The following PDGFC variants were observed in gnomAD, a reference collection of about 807,000 sequenced individuals.
The protein encoded by PDGFC is platelet-derived growth factor C.
PDGFC carries 12 observed loss-of-function variants against 35.5 expected under a neutral mutation model. The ratio of observed to expected loss-of-function variants is 0.34; its 90% CI spans 0.22 to 0.55. PDGFC has a LOEUF of 0.55. PDGFC is among the 20% of genes least tolerant of loss of function. The pLI, the probability that PDGFC is intolerant of heterozygous loss-of-function variation, is 0.91. For synonymous variants in PDGFC, 159 were observed against 148.8 expected (o/e 1.07, Z -0.50); for missense variants, 322 against 412.4 (o/e 0.78, Z 1.90).
At chr4:156,809,546 TG>T (rs1412234840) in intron 3 of PDGFC, among the ~76,000 whole-genome samples, 4 of 152,032 alleles carry the variant, frequency 2.6e-5, no homozygotes, top group Admixed American at 2.6e-4. Flanking sequence ...GAGACTATTA[TG>T]TGCTCAGAAC....
chr4:156,938,121 A>G (rs1401032335), intron 1 of PDGFC, among the ~76,000 whole-genome samples: 1 of 152,106 alleles, frequency 6.6e-6, no homozygotes, highest in Non-Finnish European at 1.5e-5. Flanking sequence ...ATTTTAAGTT[A>G]GTTTGTTATA....
In PDGFC at chr4:156,766,789, G is replaced by A. The variant is rs559582345; in HGVS notation, c.921+984C>T. 5.3e-5 allele frequency among the ~76,000 whole-genome samples: 8 copies of A among 152,080 alleles called. No individual in the cohort carries two copies. In the South Asian group the frequency reaches 1.7e-3, roughly 32 times the overall value. On this transcript the variant is annotated intron_variant, in intron 5 of 5. Coordinates refer to ENST00000502773, the MANE Select transcript of PDGFC (RefSeq NM_016205.3). ...GATTTTCCTGCCCTTCACCAATATT[G>A]TGTTGGCAATTGATAAAGTGGGAAA...
chr4:156,880,019 G>A (rs1730204760), intron 1 of PDGFC, among the ~76,000 whole-genome samples: 1 of 152,168 alleles, frequency 6.6e-6, no homozygotes, highest in African/African-American at 2.4e-5. Flanking sequence ...TGGTTCATGA[G>A]GTTCAAGAAA....
In PDGFC at chr4:156,869,595, T is replaced by C. The variant is rs192277292; in HGVS notation, c.119-19179A>G. Among the ~76,000 whole-genome samples the C allele has an allele frequency of 1.7e-3, 256 of 152,326 alleles. 1 individual carries two copies. The highest frequency in any genetic ancestry group is 5.5e-3 in the African/African-American group (228 of 41,574). On this transcript the variant is annotated intron_variant, in intron 1 of 5. Transcript: ENST00000502773. ...CCAGCCCTTCAACGCAAGAGTTTTG[T>C]AATTTTTAATCAATACTTCATTTAA...
intron 1 of PDGFC, among the ~76,000 whole-genome samples, chr4:156,858,151 C>G (rs1729627350): frequency 6.6e-6 from 1 of 151,978 alleles, no homozygotes; most frequent in Non-Finnish European, 1.5e-5. Flanking sequence ...TTGAAAATAT[C>G]CCAATTTGCA....
intron 2 of PDGFC, among the ~76,000 whole-genome samples, chr4:156,847,723 T>C (rs888648487): frequency 3.6e-5 from 2 of 55,650 alleles, no homozygotes; most frequent in Admixed American, 1.6e-4. Flanking sequence ...CTCTGTACTA[T>C]CTTTACAACA....
intron 3 of PDGFC, chr4:156,773,757 T>A (rs997117054): frequency 1.3e-5 from 2 of 152,212 alleles, no homozygotes; most frequent in African/African-American, 4.8e-5. Flanking sequence ...AAATTGGAAC[T>A]CCTCTGCTCT....
rs537843743 is a variant in PDGFC, at chr4:156,798,532, A to G, written c.495+12305T>C. Among the ~76,000 whole-genome samples, 10 of 152,326 alleles carry G rather than the reference A, an allele frequency of 6.6e-5. No individual in the cohort carries two copies. The East Asian group carries it at 1.7e-3, about 26-fold the overall frequency. On this transcript the variant is annotated intron_variant, in intron 3 of 5. Coordinates refer to ENST00000502773, the MANE Select transcript of PDGFC (RefSeq NM_016205.3). ...AAAACAAAACACTGTAGGCCTGGGTAGAAGTGAGAGTTCTTCATATTACTT... is the reference window on the plus strand; with the variant it reads ...AAAACAAAACACTGTAGGCCTGGGTGGAAGTGAGAGTTCTTCATATTACTT...
At chr4:156,781,831 A>G (rs924326063) in intron 3 of PDGFC, among the ~76,000 whole-genome samples, 2 of 152,236 alleles carry the variant, frequency 1.3e-5, no homozygotes, top group African/African-American at 2.4e-5. Flanking sequence ...TAAGCAAAAT[A>G]GCATATTTTA....
At chr4:156,965,104 T>C (rs1361418761) in intron 1 of PDGFC, among the ~76,000 whole-genome samples, 2 of 152,170 alleles carry the variant, frequency 1.3e-5, no homozygotes, top group African/African-American at 4.8e-5. Flanking sequence ...GAGTAAAACG[T>C]GGTACTCTGA....
chr4:156,783,510 C>T lies in PDGFC; in HGVS notation c.496-10617G>A, dbSNP rs148301376. Among the ~76,000 whole-genome samples the T allele has an allele frequency of 3.0e-3, 460 of 152,138 alleles. 1 individual carries two copies. Among genetic ancestry groups the T allele is most frequent in the Non-Finnish European group, 5.4e-3 (369 of 68,012 alleles). ...TGTTAATAATAACTGCTTTTATTGC[C>T]TTGTCACATGGCTAATCACTACCCA... On this transcript the variant is annotated intron_variant, in intron 3 of 5. Transcript: ENST00000502773.
At position 156,782,266 on chromosome 4, in the gene PDGFC, C is replaced by T. The variant is rs549266563; in HGVS notation, c.496-9373G>A. Among the ~76,000 whole-genome samples the T allele has an allele frequency of 2.6e-5, 4 of 152,288 alleles. No individual in the cohort carries two copies. The South Asian group carries it at 8.3e-4, about 32-fold the overall frequency. ...ATGATACCCTTGGCTGCTCACTTAT[C>T]CTATGTCGGTTTTCTGAATTCATAT... is the stretch of plus-strand genomic sequence containing the variant. On this transcript the variant is annotated intron_variant, in intron 3 of 5. Coordinates refer to ENST00000502773, the MANE Select transcript of PDGFC (RefSeq NM_016205.3).
intron 2 of PDGFC, among the ~76,000 whole-genome samples, chr4:156,849,702 G>A (rs771811983): frequency 2.0e-4 from 31 of 152,066 alleles, no homozygotes; most frequent in Non-Finnish European, 2.9e-4. Flanking sequence ...AATATCTAAT[G>A]CTGCTTTCTG....
chr4:156,918,106 A>G (rs538887598), intron 1 of PDGFC, among the ~76,000 whole-genome samples: 1 of 152,300 alleles, frequency 6.6e-6, no homozygotes, highest in African/African-American at 2.4e-5. Flanking sequence ...TACTTCTACC[A>G]CATAATTTTC....
chr4:156,879,334 T>C (rs1202195802), intron 1 of PDGFC, among the ~76,000 whole-genome samples: 1 of 152,216 alleles, frequency 6.6e-6, no homozygotes, highest in Non-Finnish European at 1.5e-5. Context: ...TTCCAAGATA[T>C]AAAATCAATC....
At chr4:156,946,287 A>G (rs1731945706) in intron 1 of PDGFC, among the ~76,000 whole-genome samples, 1 of 152,028 alleles carries the variant, frequency 6.6e-6, no homozygotes, top group South Asian at 2.1e-4. Flanking sequence ...TATCAGAATG[A>G]GGCAAAAATA....
At chr4:156,966,004 T>A (rs1357545687) in intron 1 of PDGFC, among the ~76,000 whole-genome samples, 1 of 152,098 alleles carries the variant, frequency 6.6e-6, no homozygotes, top group South Asian at 2.1e-4. Context: ...GTTGGTCCAT[T>A]TGTCTTAGAG....
At chr4:156,834,818 A>T (rs1729024476) in intron 2 of PDGFC, among the ~76,000 whole-genome samples, 1 of 152,152 alleles carries the variant, frequency 6.6e-6, no homozygotes, top group African/African-American at 2.4e-5. Context: ...AAAGCCCTTT[A>T]CTACTTCATA....
chr4:156,897,025 G>A (rs918256411), intron 1 of PDGFC, among the ~76,000 whole-genome samples: 8 of 151,968 alleles, frequency 5.3e-5, no homozygotes, highest in African/African-American at 9.7e-5. Flanking sequence ...AATTTAATAC[G>A]CACATTAAAG....
Sources: allele counts gnomAD v4.1 joint callset (sites outside exome capture counted in the v4.1 genomes callset), GRCh38; gene constraint gnomAD v4.1.1; transcripts MANE v1.5; gene names NCBI Gene and HGNC (gene_info 2026-07-23, HGNC 2026-07-21).